The following AP3B1 variants were observed in gnomAD, a reference collection of about 807,000 sequenced individuals.
AP3B1 encodes adaptor related protein complex 3 subunit beta 1.
In AP3B1, 61 loss-of-function variants were observed where a neutral mutation model predicts 132.5. The ratio of observed to expected loss-of-function variants is 0.46; its 90% CI spans 0.37 to 0.57. The LOEUF is 0.57. Ranked by LOEUF, AP3B1 falls within the 20% of genes least tolerant of loss-of-function variation. The probability of loss-of-function intolerance (pLI) is 0.00; values close to 1 mark genes in which losing one functional copy is unlikely to be tolerated. For missense variants in AP3B1, 1,120 were observed against 1,289.4 expected (o/e 0.87, Z 2.01); for synonymous variants, 388 against 438.3 (o/e 0.89, Z 1.43).
chr5:78,135,062 C>T (rs1386877975), intron 15 of AP3B1, among the ~76,000 whole-genome samples: 1 of 152,076 alleles, frequency 6.6e-6, no homozygotes, highest in East Asian at 1.9e-4. Context: ...TTTGTTAAAT[C>T]ACATTAAAGA....
At chr5:78,168,238 T>C (rs1743745573) in intron 11 of AP3B1, among the ~76,000 whole-genome samples, 1 of 149,188 alleles carries the variant, frequency 6.7e-6, no homozygotes, top group Non-Finnish European at 1.5e-5. Flanking sequence ...TTTTTTTTTT[T>C]TTTGAGACAA....
chr5:78,130,217 T>C (rs1303134201), intron 15 of AP3B1, among the ~76,000 whole-genome samples: 1 of 152,108 alleles, frequency 6.6e-6, no homozygotes. Flanking sequence ...CAATTTTAAC[T>C]ATAAGCCAAA....
At chr5:78,046,159 G>A in intron 22 of AP3B1, among the ~76,000 whole-genome samples, 1 of 152,204 alleles carries the variant, frequency 6.6e-6, no homozygotes, top group East Asian at 1.9e-4. Flanking sequence ...CCCAGTCCCT[G>A]GGCTATGGAC....
intron 7 of AP3B1, among the ~76,000 whole-genome samples, chr5:78,214,920 T>G (rs1362705285): frequency 6.6e-6 from 1 of 152,166 alleles, no homozygotes; most frequent in African/African-American, 2.4e-5. Flanking sequence ...TAATCATCAT[T>G]TTGTTAATAT....
At chr5:78,120,521 A>C (rs1245690390) in intron 17 of AP3B1, among the ~76,000 whole-genome samples, 1 of 152,192 alleles carries the variant, frequency 6.6e-6, no homozygotes, top group African/African-American at 2.4e-5. Context: ...ATGGAAAACA[A>C]AAAAAGGCAG....
intron 3 of AP3B1, among the ~76,000 whole-genome samples, chr5:78,228,806 C>T (rs1382764148): frequency 6.6e-6 from 1 of 152,234 alleles, no homozygotes; most frequent in Admixed American, 6.5e-5. Flanking sequence ...TATGGTAATA[C>T]TCACATTTCA....
chr5:78,157,313 C>A (rs1319088414), intron 13 of AP3B1, among the ~76,000 whole-genome samples: 1 of 152,154 alleles, frequency 6.6e-6, no homozygotes, highest in Admixed American at 6.5e-5. Flanking sequence ...TGTTGGTTTC[C>A]CTTAATCCTG....
At chr5:78,129,374 C>G in intron 15 of AP3B1, 67 bp from the exon 16 acceptor site, 1 of 1,310,294 alleles carries the variant, frequency 7.6e-7, no homozygotes, top group Non-Finnish European at 1.1e-6. Flanking sequence ...TCTGGATAAA[C>G]ATATTTAAAG....
chr5:78,068,796 A>G (rs1749406161), intron 22 of AP3B1, among the ~76,000 whole-genome samples: 1 of 138,418 alleles, frequency 7.2e-6, no homozygotes, highest in Non-Finnish European at 1.5e-5. Flanking sequence ...AGAGATAACA[A>G]CAAAAAAAAA....
At chr5:78,007,294 A>T (rs1351334899) in intron 26 of AP3B1, among the ~76,000 whole-genome samples, 1 of 152,210 alleles carries the variant, frequency 6.6e-6, no homozygotes, top group Non-Finnish European at 1.5e-5. Flanking sequence ...GCTATACTTA[A>T]TGCAACAGCT....
intron 26 of AP3B1, 23 bp from the exon 27 acceptor site, chr5:78,003,078 C>A (rs767395436): frequency 1.2e-6 from 2 of 1,612,932 alleles, no homozygotes; most frequent in East Asian, 4.5e-5. Flanking sequence ...AAAGAGAGAC[C>A]TTTTATCATA....
chr5:78,114,061 A>T, intron 18 of AP3B1, 138 bp from the exon 19 acceptor site: 1 of 935,584 alleles, frequency 1.1e-6, no homozygotes, highest in Non-Finnish European at 1.6e-6. Context: ...TTAACATTTT[A>T]TTCCCACACC....
intron 2 of AP3B1, among the ~76,000 whole-genome samples, chr5:78,263,204 G>C (rs1304590597): frequency 6.6e-6 from 1 of 152,040 alleles, no homozygotes; most frequent in Non-Finnish European, 1.5e-5. Context: ...TAATGTTTCA[G>C]TGTACAAGTC....
intron 14 of AP3B1, among the ~76,000 whole-genome samples, chr5:78,144,031 A>G (rs1416262818): frequency 1.3e-5 from 2 of 152,104 alleles, no homozygotes; most frequent in African/African-American, 4.8e-5. Flanking sequence ...TAAATTAGTC[A>G]CTTTTTGTTC....
Position 78,163,172 on chromosome 5 carries a change from C to T in AP3B1, c.1231-221G>A, listed in dbSNP as rs116267085. ...ACGAAGCACATTTTCAAGCCAGGCT[C>T]ATTCACCTGTGGCCATAGTGGCTTG... On this transcript the variant is annotated intron_variant, in intron 12 of 26. Coordinates refer to ENST00000255194, the MANE Select transcript of AP3B1 (RefSeq NM_003664.5). Among the ~76,000 whole-genome samples, 371 of 152,200 alleles carry T rather than the reference C, an allele frequency of 2.4e-3. 1 individual carries two copies. Among genetic ancestry groups the T allele is most frequent in the African/African-American group, 8.8e-3 (364 of 41,542 alleles).
At chr5:78,155,595 C>T (rs533741597) in intron 14 of AP3B1, among the ~76,000 whole-genome samples, 3 of 152,178 alleles carry the variant, frequency 2.0e-5, no homozygotes, top group African/African-American at 7.2e-5. Context: ...AAAACATACA[C>T]AAACCTTGAA....
intron 21 of AP3B1, among the ~76,000 whole-genome samples, chr5:78,093,117 C>T (rs1750601235): frequency 6.6e-6 from 1 of 152,192 alleles, no homozygotes; most frequent in South Asian, 2.1e-4. Flanking sequence ...CAGCTAAATT[C>T]CCAACAACAG....
intron 24 of AP3B1, among the ~76,000 whole-genome samples, chr5:78,032,740 T>C (rs1420731710): frequency 6.6e-6 from 1 of 151,934 alleles, no homozygotes; most frequent in African/African-American, 2.4e-5. Context: ...AAATCTAAAA[T>C]AAATAATTTG....
intron 2 of AP3B1, among the ~76,000 whole-genome samples, chr5:78,261,854 C>T (rs763009559): frequency 1.6e-4 from 25 of 151,916 alleles, no homozygotes; most frequent in Non-Finnish European, 3.7e-4. Flanking sequence ...TGGGTTCAAG[C>T]AATTCTCCTG....
Sources: allele counts gnomAD v4.1 joint callset (sites outside exome capture counted in the v4.1 genomes callset), GRCh38; gene constraint gnomAD v4.1.1; transcripts MANE v1.5; gene names NCBI Gene and HGNC (gene_info 2026-07-23, HGNC 2026-07-21).